The following NIN variants were observed in gnomAD, a reference collection of about 807,000 sequenced individuals.
NIN encodes the protein ninein, also known as glycogen synthase kinase 3 beta-interacting protein.
In NIN, 137 loss-of-function variants were observed where a neutral mutation model predicts 257.6. That is an observed-to-expected ratio of 0.53 (90% CI 0.46 to 0.61). The LOEUF is 0.61. Among genes scored for constraint, NIN ranks in the 20% least tolerant of loss-of-function variants. The probability of loss-of-function intolerance (pLI) is 0.00; values close to 1 mark genes in which losing one functional copy is unlikely to be tolerated. For synonymous variants in NIN, 918 were observed against 919.8 expected (o/e 1.00, Z 0.04); for missense variants, 2,439 against 2,501.2 (o/e 0.98, Z 0.53).
chr14:50,745,282 C>A (rs576775455), intron 22 of NIN, among the ~76,000 whole-genome samples: 1 of 152,158 alleles, frequency 6.6e-6, no homozygotes, highest in African/African-American at 2.4e-5. Context: ...TGGCAGTAAC[C>A]CCCCACCTTC....
At chr14:50,732,661 CT>C (rs2040773985) in intron 28 of NIN, among the ~76,000 whole-genome samples, 1 of 152,090 alleles carries the variant, frequency 6.6e-6, no homozygotes, top group South Asian at 2.1e-4. Flanking sequence ...AATTGTACAC[CT>C]GAAATATGCG....
At chr14:50,773,809 G>A (rs2141835162) in intron 7 of NIN, among the ~76,000 whole-genome samples, 1 of 152,312 alleles carries the variant, frequency 6.6e-6, no homozygotes, top group African/African-American at 2.4e-5. Flanking sequence ...CCCCTATCCT[G>A]TAATAGGGAA....
In NIN at chr14:50,722,006, T is replaced by G. The variant is rs2040280081; in HGVS notation, c.*1457A>C. The G allele has an allele frequency of 4.4e-6, 1 of 228,818 alleles. No homozygotes were observed. The highest frequency in any genetic ancestry group is 6.2e-5 in the East Asian group (1 of 16,114). The allele number at this position is 228,818 out of a possible 1,614,324, so 14.2% of individuals were successfully genotyped here. On this transcript the variant is annotated 3_prime_UTR_variant, in exon 31 of 31. Coordinates refer to ENST00000530997, the MANE Select transcript of NIN (RefSeq NM_020921.4). ...TTGCTGTTCACCTTTTGTAAATAGA[T>G]GGGCTTGGCCCTCCAGGAATATATC...
chr14:50,720,573 G>A lies in NIN; in HGVS notation c.*2890C>T, dbSNP rs150403630. The A allele has an allele frequency of 2.7e-3, 563 of 207,342 alleles. 6 individuals are homozygous for A. Among genetic ancestry groups the A allele is most frequent in the Admixed American group, 0.018 (304 of 16,884 alleles). 12.8% of individuals were successfully genotyped at this position (207,342 alleles called of 1,614,324 possible). On this transcript the variant is annotated 3_prime_UTR_variant, in exon 31 of 31. Coordinates refer to ENST00000530997, the MANE Select transcript of NIN (RefSeq NM_020921.4). ...ATGATCTATTCATGAAAAATATGCC[G>A]AAGGCTAAATATGCAATGCATTGAA...
Position 50,757,747 on chromosome 14 carries a change from G to A in NIN, c.3283C>T (p.Leu1095=). 6.2e-7 allele frequency: 1 copy of A among 1,614,174 alleles called. No homozygotes were observed. The highest frequency in any genetic ancestry group is 1.1e-5 in the South Asian group (1 of 91,088). ...ATEISRLQQR[L]QKLEPGLVMS... ...ACTAACCCTGGCTCTAACTTTTGTA[G>A]CCTCTGTTGCAATCTAGAAATTTCA... Residue 1095 remains leucine (L), a synonymous_variant, in exon 18 of 31, where the codon CTA becomes TTA. Coordinates refer to ENST00000530997, the MANE Select transcript of NIN (RefSeq NM_020921.4).
In NIN at chr14:50,756,717, A is replaced by AG. The variant is rs1322353642; in HGVS notation, c.4312dup (p.Leu1438ProfsTer29). On this transcript the variant is annotated frameshift_variant, in exon 18 of 31. Transcript: ENST00000530997. LOFTEE classifies it high-confidence loss of function. ...CTGAAAATGTTTGTCTTGAAAGCCTAGGAGAGTAGTGTTTTCCTCCAGTAT... is the reference window on the plus strand; with the variant it reads ...CTGAAAATGTTTGTCTTGAAAGCCTAGGGAGAGTAGTGTTTTCCTCCAGTAT... 5.8e-6 allele frequency: 9 copies of AG among 1,551,556 alleles called. No homozygotes were observed. In the East Asian group the frequency reaches 2.0e-4, roughly 34 times the overall value.
At chr14:50,735,798 T>C (rs1221532265) in intron 27 of NIN, among the ~76,000 whole-genome samples, 181 bp from the exon 28 acceptor site, 1 of 152,224 alleles carries the variant, frequency 6.6e-6, no homozygotes, top group Non-Finnish European at 1.5e-5. Context: ...AATCTAGTTT[T>C]AATCACCTGT....
intron 10 of NIN, 126 bp downstream of exon 10, chr14:50,771,206 A>AGCAGTTGG: frequency 1.1e-5 from 13 of 1,229,498 alleles, no homozygotes; most frequent in Non-Finnish European, 1.1e-5. Context: ...AGATGTGTGC[A>AGCAGTTGG]GCAGTTGGAT....
chr14:50,793,951 GAGAAC>G (rs1566854339), intron 4 of NIN, among the ~76,000 whole-genome samples: 16 of 152,150 alleles, frequency 1.1e-4, no homozygotes, highest in African/African-American at 3.4e-4. Flanking sequence ...ATACTCTCTC[GAGAAC>G]AGATATGTAT....
At chr14:50,725,774 T>G in intron 30 of NIN, 179 bp downstream of exon 30, 1 of 1,072,506 alleles carries the variant, frequency 9.3e-7, no homozygotes. Context: ...AAATACAGAG[T>G]TCGTATTTTT....
intron 2 of NIN, among the ~76,000 whole-genome samples, chr14:50,822,502 T>G (rs1181137483): frequency 1.3e-5 from 2 of 152,118 alleles, no homozygotes; most frequent in Admixed American, 6.5e-5. Context: ...GTGAACTAAT[T>G]GTTAGCGCCA....
rs761806419 is a variant in NIN at position 50,726,082 on chromosome 14, G to A, written c.6079-16C>T. ...CCTGGTTTCCCTGAAGGGAAGAAAA[G>A]TATATTATTCGAAAATCATGTCACA... On this transcript the variant is annotated splice_polypyrimidine_tract_variant and intron_variant, in intron 29 of 30. Coordinates refer to ENST00000530997, the MANE Select transcript of NIN (RefSeq NM_020921.4). 6.3e-7 allele frequency: 1 copy of A among 1,589,982 alleles called. No individual in the cohort carries two copies. Among genetic ancestry groups the A allele is most frequent in the South Asian group, 1.1e-5 (1 of 90,196 alleles).
intron 29 of NIN, chr14:50,727,161 CA>C (rs990332422): frequency 6.0e-4 from 385 of 640,362 alleles, no homozygotes; most frequent in Middle Eastern, 1.5e-3. Flanking sequence ...CAAAGCAAAA[CA>C]AAAAAAAAGA....
intron 29 of NIN, among the ~76,000 whole-genome samples, chr14:50,728,416 T>A (rs1308575856): frequency 6.6e-6 from 1 of 152,140 alleles, no homozygotes; most frequent in Non-Finnish European, 1.5e-5. Context: ...CATAGGTACA[T>A]ATGTAGAGGG....
At chr14:50,799,617 T>A (rs1157666825) in intron 4 of NIN, among the ~76,000 whole-genome samples, 1 of 152,230 alleles carries the variant, frequency 6.6e-6, no homozygotes, top group East Asian at 1.9e-4. Context: ...AGGAACACAC[T>A]GATTTTCTAG....
At chr14:50,785,038 T>A (rs949429458) in intron 5 of NIN, among the ~76,000 whole-genome samples, 3 of 151,296 alleles carry the variant, frequency 2.0e-5, no homozygotes, top group African/African-American at 7.3e-5. Context: ...ACAAAAGGAG[T>A]CCCCCCAAAC....
At chr14:50,762,357 G>A (rs752047730) in intron 15 of NIN, among the ~76,000 whole-genome samples, 5 of 152,132 alleles carry the variant, frequency 3.3e-5, no homozygotes, top group African/African-American at 4.8e-5. Context: ...TTGCTGCGAT[G>A]CCCTGAGGAG....
rs145106511 is a variant in NIN at position 50,763,389 on chromosome 14, G to A, written c.1774+437C>T. On this transcript the variant is annotated intron_variant, in intron 15 of 30. Coordinates refer to ENST00000530997, the MANE Select transcript of NIN (RefSeq NM_020921.4). ...GCAATACAGACATTCAGCACAGCCC[G>A]TATAAGAAAACCAGCTATGGATTCT... Among the ~76,000 whole-genome samples the A allele has an allele frequency of 7.8e-3, 1,186 of 152,288 alleles. 22 individuals are homozygous for A. The highest frequency in any genetic ancestry group is 0.027 in the African/African-American group (1,126 of 41,556).
chr14:50,722,942 C>T lies in NIN; in HGVS notation c.*521G>A. On this transcript the variant is annotated 3_prime_UTR_variant, in exon 31 of 31. Coordinates refer to ENST00000530997, the MANE Select transcript of NIN (RefSeq NM_020921.4). ...GTCTGATGTCAGCGGTTAATAACCA[C>T]TTAATAAGCCCTGCCTCCTAACCAA... 4.7e-6 allele frequency: 1 copy of T among 213,700 alleles called. No individual in the cohort carries two copies. The highest frequency in any genetic ancestry group is 9.4e-6 in the Non-Finnish European group (1 of 105,836). The allele number at this position is 213,700 out of a possible 1,614,324, so 13.2% of individuals were successfully genotyped here.
Sources: gnomAD v4.1 joint callset for allele counts (sites outside exome capture counted in the v4.1 genomes callset) on GRCh38, gnomAD v4.1.1 for gene constraint, MANE v1.5 for transcripts, NCBI Gene and HGNC (gene_info 2026-07-23, HGNC 2026-07-21) for gene names.